Variants in KCNK2 observed in about 807,000 individuals in gnomAD.
KCNK2 encodes the protein potassium channel subfamily K member 2.
KCNK2 carries 21 observed loss-of-function variants against 40.5 expected under a neutral mutation model. The observed-to-expected ratio is 0.52, with a 90% CI of 0.37 to 0.75. KCNK2 has a LOEUF of 0.75. Ranked by LOEUF, KCNK2 falls within the 30% of genes least tolerant of loss-of-function variation. KCNK2 has a pLI of 0.00. For synonymous variants in KCNK2, 191 were observed against 202.2 expected, an observed-to-expected ratio of 0.94 and a Z score of 0.47; for missense variants, 399 against 531.6, an observed-to-expected ratio of 0.75 and a Z score of 2.45.
chr1:215,166,482 T>G (rs1383518419), intron 3 of KCNK2, among the ~76,000 whole-genome samples: 1 of 152,166 alleles, frequency 6.6e-6, no homozygotes, highest in Non-Finnish European at 1.5e-5. Flanking sequence ...CTCCAGTCTT[T>G]GCCTCCAGAA....
In KCNK2 at chr1:215,236,080, CTATCT is replaced by C. The variant is rs1346875064; in HGVS notation, c.*936_*940del. 1.3e-5 allele frequency: 2 copies of C among 150,882 alleles called. No homozygotes were observed. Among genetic ancestry groups the C allele is most frequent in the African/African-American group, 5.0e-5 (2 of 40,156 alleles). 9.3% of individuals were successfully genotyped at this position (150,882 alleles called of 1,614,324 possible). On this transcript the variant is annotated 3_prime_UTR_variant, in exon 7 of 7. Transcript: ENST00000444842. The stretch of plus-strand genomic sequence containing the variant: ...TCTATCTATCTATCTATCTATCTAT[CTATCT>C]ATCTATCTATCTAAATGACCTGACA...
chr1:215,210,529 T>C (rs1396699171), intron 6 of KCNK2, among the ~76,000 whole-genome samples: 1 of 152,114 alleles, frequency 6.6e-6, no homozygotes, highest in Non-Finnish European at 1.5e-5. Flanking sequence ...AAAAGATGCA[T>C]AGCACTAATT....
At chr1:215,135,611 G>A (rs1187600236) in intron 3 of KCNK2, among the ~76,000 whole-genome samples, 1 of 151,742 alleles carries the variant, frequency 6.6e-6, no homozygotes, top group Non-Finnish European at 1.5e-5. Flanking sequence ...TAGTTTGAAT[G>A]TACAAAATTC....
intron 1 of KCNK2, among the ~76,000 whole-genome samples, chr1:215,053,872 C>T (rs1413927464): frequency 6.6e-6 from 1 of 152,188 alleles, no homozygotes; most frequent in African/African-American, 2.4e-5. Context: ...GAGGCTGAGG[C>T]AGGAGAACCT....
chr1:215,158,525 T>G (rs1663031364), intron 3 of KCNK2, among the ~76,000 whole-genome samples: 1 of 152,138 alleles, frequency 6.6e-6, no homozygotes, highest in Non-Finnish European at 1.5e-5. Flanking sequence ...ATTAAAACAG[T>G]AAAGCCTATT....
At chr1:215,009,459 A>G (rs1240310914) in intron 1 of KCNK2, among the ~76,000 whole-genome samples, 2 of 152,068 alleles carry the variant, frequency 1.3e-5, no homozygotes, top group Non-Finnish European at 2.9e-5. Context: ...TATATATATC[A>G]TTTCATTTTA....
At chr1:215,051,648 TG>T (rs1657993839) in intron 1 of KCNK2, among the ~76,000 whole-genome samples, 1 of 152,098 alleles carries the variant, frequency 6.6e-6, no homozygotes, top group Non-Finnish European at 1.5e-5. Context: ...CTGGGATATC[TG>T]GGGCACAACA....
At chr1:215,122,732 T>G (rs997875228) in intron 2 of KCNK2, among the ~76,000 whole-genome samples, 3 of 151,300 alleles carry the variant, frequency 2.0e-5, no homozygotes, top group Non-Finnish European at 4.4e-5. Flanking sequence ...GCTTAAAACA[T>G]TCATAATCTT....
At chr1:215,142,424 A>T (rs1342772017) in intron 3 of KCNK2, among the ~76,000 whole-genome samples, 1 of 152,178 alleles carries the variant, frequency 6.6e-6, no homozygotes, top group Non-Finnish European at 1.5e-5. Context: ...TTAGTTAGAA[A>T]CTTAATAGGA....
At chr1:215,114,719 G>A (rs989841744) in intron 2 of KCNK2, among the ~76,000 whole-genome samples, 1 of 152,050 alleles carries the variant, frequency 6.6e-6, no homozygotes, top group African/African-American at 2.4e-5. Flanking sequence ...CCTTTTCTCT[G>A]CATAATGTTA....
intron 3 of KCNK2, among the ~76,000 whole-genome samples, chr1:215,135,117 G>A (rs1438391612): frequency 6.6e-6 from 1 of 152,120 alleles, no homozygotes; most frequent in South Asian, 2.1e-4. Flanking sequence ...ATCATGTGCT[G>A]TACATATTGA....
chr1:215,056,329 G>GAAAAA (rs1422101931), intron 1 of KCNK2, among the ~76,000 whole-genome samples: 1 of 130,480 alleles, frequency 7.7e-6, no homozygotes. Context: ...AAAAAGGAAA[G>GAAAAA]AAATTCATAT....
At chr1:215,092,256 C>G (rs1405083178) in intron 2 of KCNK2, among the ~76,000 whole-genome samples, 2 of 152,130 alleles carry the variant, frequency 1.3e-5, no homozygotes, top group East Asian at 3.9e-4. Flanking sequence ...GAGTCAAGGA[C>G]AACCCCAAGA....
intron 1 of KCNK2, among the ~76,000 whole-genome samples, chr1:215,028,206 G>A (rs1304487144): frequency 1.3e-5 from 2 of 152,082 alleles, no homozygotes; most frequent in African/African-American, 4.8e-5. Context: ...GGCCAATGTG[G>A]TGAAACCCCG....
chr1:215,148,080 C>CTTT (rs756218432), intron 3 of KCNK2, among the ~76,000 whole-genome samples: 6 of 111,146 alleles, frequency 5.4e-5, no homozygotes, highest in African/African-American at 1.1e-4. Flanking sequence ...TTTTCTTTTC[C>CTTT]TTTTTTTTTT....
At position 215,172,203 on chromosome 1, in the gene KCNK2, C is replaced by T. The variant is rs752927249; in HGVS notation, c.823+20C>T. Reference sequence around the variant, plus strand: ...TTGCAGGTAAGCTTTTCCTGGCATCCATGTTACTCTTCTAACAGGGGTTTA... The same window carrying T: ...TTGCAGGTAAGCTTTTCCTGGCATCTATGTTACTCTTCTAACAGGGGTTTA... On this transcript the variant is annotated intron_variant, in intron 5 of 6. Coordinates refer to ENST00000444842, the MANE Select transcript of KCNK2 (RefSeq NM_001017425.3). 2 of 1,596,964 alleles carry T rather than the reference C, an allele frequency of 1.3e-6. No individual in the cohort carries two copies. The highest frequency in any genetic ancestry group is 3.4e-5 in the Admixed American group (2 of 58,724).
intron 6 of KCNK2, among the ~76,000 whole-genome samples, chr1:215,220,162 T>G (rs997859595): frequency 6.6e-6 from 1 of 152,258 alleles, no homozygotes; most frequent in Non-Finnish European, 1.5e-5. Context: ...TTTATATCTA[T>G]ATATTTTGAG....
chr1:215,049,190 A>G (rs1264692228), intron 1 of KCNK2, among the ~76,000 whole-genome samples: 1 of 152,186 alleles, frequency 6.6e-6, no homozygotes, highest in Admixed American at 6.5e-5. Context: ...TATCTGATAG[A>G]TATATAGTGG....
intron 1 of KCNK2, among the ~76,000 whole-genome samples, chr1:215,017,064 G>T (rs183285030): frequency 5.9e-5 from 9 of 152,148 alleles, no homozygotes; most frequent in Admixed American, 5.2e-4. Context: ...TATCAGAATG[G>T]CTATTATCAA....
Sources: allele counts gnomAD v4.1 joint callset (sites outside exome capture counted in the v4.1 genomes callset), GRCh38; gene constraint gnomAD v4.1.1; transcripts MANE v1.5; gene names NCBI Gene and HGNC (gene_info 2026-07-23, HGNC 2026-07-21).